The following NCAPG variants were observed in gnomAD, a reference collection of about 807,000 sequenced individuals.
NCAPG encodes the protein condensin complex subunit 3.
In NCAPG, 69 loss-of-function variants were observed where a neutral mutation model predicts 113.1. The ratio of observed to expected loss-of-function variants is 0.61; its 90% CI spans 0.50 to 0.75. The LOEUF (loss-of-function observed/expected upper bound fraction) is 0.75. NCAPG is among the 30% of genes least tolerant of loss of function. The probability of loss-of-function intolerance (pLI) is 0.00; values close to 1 mark genes in which losing one functional copy is unlikely to be tolerated. For synonymous variants in NCAPG, 370 were observed against 415.8 expected (o/e 0.89, Z 1.34); for missense variants, 1,058 against 1,177.0 (o/e 0.90, Z 1.48).
chr4:17,812,571 A>G (rs544721187), intron 2 of NCAPG, 147 bp downstream of exon 2: 8 of 665,990 alleles, frequency 1.2e-5, no homozygotes, highest in East Asian at 2.7e-5. Context: ...AAATATTAGA[A>G]TTATCATTAT....
rs768309165 is a variant in NCAPG at position 17,817,315 on chromosome 4, C to T, written c.830C>T (p.Ser277Phe). ...KHLLQGWLRF[S>F]EGNILELLHR... ...CTTCTTCAAGGCTGGTTACGGTTCT[C>T]TGAAGGAAATATCTTAGAGTTGCTC... Residue 277 changes from serine (S) to phenylalanine (F), a missense_variant, in exon 6 of 21, where the codon TCT (serine) becomes TTT (phenylalanine). Physicochemically the swap from Ser to Phe is radical, Grantham distance 155. Coordinates refer to ENST00000251496, the MANE Select transcript of NCAPG (RefSeq NM_022346.5). 6 of 1,613,964 alleles carry T rather than the reference C, an allele frequency of 3.7e-6. No individual in the cohort carries two copies. In the South Asian group the frequency reaches 6.6e-5, roughly 18 times the overall value.
At position 17,840,093 on chromosome 4, in the gene NCAPG, T is replaced by C; in HGVS notation, c.2651T>C (p.Leu884Pro). ...TAGCAAGTAAAAGATAGGACATGTC[T>C]GAGAGCTTTGGAGAAAATCAAGATT... ...ILEQVKDRTC[L>P]RALEKIKIQL... Residue 884 changes from leucine (L) to proline (P), a missense_variant, in exon 18 of 21, where the codon CTG (leucine) becomes CCG (proline). Leu to Pro is a moderately conservative substitution (Grantham distance 98). Transcript: ENST00000251496. The C allele has an allele frequency of 6.2e-7, 1 of 1,609,598 alleles. No homozygotes were observed. The highest frequency in any genetic ancestry group is 8.5e-7 in the Non-Finnish European group (1 of 1,178,340).
Position 17,837,223 on chromosome 4 carries a change from T to C in NCAPG, c.2174T>C (p.Val725Ala), listed in dbSNP as rs768298239. ...AAGCTGATGTTCTCTGGGCTTTTGG[T>C]CAGCAGCAGGATTCTTTCTCGTCTT... ...LAKLMFSGLL[V>A]SSRILSRLIL... The change falls in exon 15 of 21, where the codon GTC (valine) becomes GCC (alanine). Residue 725 changes from valine (V) to alanine (A), a missense_variant. Transcript: ENST00000251496. The C allele has an allele frequency of 2.5e-6, 4 of 1,614,058 alleles. No homozygotes were observed. Among genetic ancestry groups the C allele is most frequent in the Non-Finnish European group, 8.5e-7 (1 of 1,179,944 alleles).
In NCAPG at chr4:17,840,224, A is replaced by G; in HGVS notation, c.2767+15A>G. On this transcript the variant is annotated intron_variant, in intron 18 of 20. Coordinates refer to ENST00000251496, the MANE Select transcript of NCAPG (RefSeq NM_022346.5). Reference sequence around the variant, plus strand: ...AAATGAAGATGGTAATCACATACTGAACAGAATATTTATAAGGTTCTGTTT... The same window carrying G: ...AAATGAAGATGGTAATCACATACTGGACAGAATATTTATAAGGTTCTGTTT... The G allele has an allele frequency of 6.4e-7, 1 of 1,559,070 alleles. No individual in the cohort carries two copies. Among genetic ancestry groups the G allele is most frequent in the Non-Finnish European group, 8.6e-7 (1 of 1,159,162 alleles).
At chr4:17,820,247 C>G (rs1721398742) in intron 7 of NCAPG, among the ~76,000 whole-genome samples, 1 of 152,146 alleles carries the variant, frequency 6.6e-6, no homozygotes, top group Non-Finnish European at 1.5e-5. Context: ...TCCTTTGTCA[C>G]TCTCTTAGTT....
intron 12 of NCAPG, among the ~76,000 whole-genome samples, chr4:17,829,384 G>A (rs912766227): frequency 7.9e-5 from 12 of 152,190 alleles, no homozygotes; most frequent in Admixed American, 7.9e-4. Context: ...ATAGTTTAGA[G>A]CTTCTGGAGA....
intron 9 of NCAPG, 94 bp from the exon 10 acceptor site, chr4:17,824,874 A>G: frequency 2.6e-6 from 2 of 778,616 alleles, no homozygotes; most frequent in South Asian, 3.7e-5. Context: ...ATTATTCAAT[A>G]TATGGTGGAT....
chr4:17,828,345 C>T lies in NCAPG; in HGVS notation c.1721C>T (p.Ser574Leu), dbSNP rs758713662. The change falls in exon 12 of 21, where the codon TCA (serine) becomes TTA (leucine). Residue 574 changes from serine (S) to leucine (L), a missense_variant. Coordinates refer to ENST00000251496, the MANE Select transcript of NCAPG (RefSeq NM_022346.5). ...CYELLKQMSI[S>L]TGLSATMNGI... ...GAACTGTTGAAGCAGATGTCCATTT[C>T]AACAGGCTTAAGTGCAACCATGAAT... The T allele has an allele frequency of 1.1e-4, 169 of 1,607,982 alleles. No individual in the cohort carries two copies. Among genetic ancestry groups the T allele is most frequent in the Non-Finnish European group, 1.4e-4 (162 of 1,176,848 alleles).
chr4:17,837,667 C>G lies in NCAPG; in HGVS notation c.2332C>G (p.Leu778Val), dbSNP rs371428105. 6.2e-7 allele frequency: 1 copy of G among 1,613,830 alleles called. No individual in the cohort carries two copies. The highest frequency in any genetic ancestry group is 1.3e-5 in the African/African-American group (1 of 74,904). Residue 778 changes from leucine (L) to valine (V), a missense_variant, in exon 16 of 21, where the codon CTG (leucine) becomes GTG (valine). Physicochemically the swap from Leu to Val is conservative, Grantham distance 32 (BLOSUM62 1). Transcript: ENST00000251496. ...CTTTGAAGAAGCTTTTCTTCCAACC[C>G]TGCAAACACTGGCCAATGCCCCTGC... ...ECFEEAFLPT[L>V]QTLANAPASS...
chr4:17,828,720 G>A (rs1053262634), intron 12 of NCAPG, among the ~76,000 whole-genome samples: 1 of 152,010 alleles, frequency 6.6e-6, no homozygotes, highest in South Asian at 2.1e-4. Context: ...ATTGTGCTAC[G>A]TAATGAGACT....
intron 13 of NCAPG, among the ~76,000 whole-genome samples, chr4:17,833,449 A>G (rs1458772625): frequency 6.9e-6 from 1 of 145,836 alleles, no homozygotes; most frequent in Non-Finnish European, 1.5e-5. Context: ...ACAGAGTGAC[A>G]CTCCATCTCA....
intron 18 of NCAPG, 88 bp from the exon 19 acceptor site, chr4:17,840,519 A>G: frequency 1.3e-6 from 1 of 781,816 alleles, no homozygotes; most frequent in Non-Finnish European, 1.8e-6. Context: ...TTGTCATTTC[A>G]GTTTTATAAA....
intron 14 of NCAPG, among the ~76,000 whole-genome samples, chr4:17,836,955 G>T (rs887993963): frequency 1.3e-5 from 2 of 152,062 alleles, no homozygotes; most frequent in South Asian, 2.1e-4. Flanking sequence ...CTAAGCATTT[G>T]TCTAGTCTCC....
chr4:17,823,775 G>C lies in NCAPG; in HGVS notation c.1383+5G>C. Reference sequence around the variant, plus strand: ...GATAATAAGAGAACACAAATTGTAAGTAATTTTCCTCATTGTTGATAAAGA... The same window carrying C: ...GATAATAAGAGAACACAAATTGTAACTAATTTTCCTCATTGTTGATAAAGA... On this transcript the variant is annotated splice_donor_5th_base_variant and intron_variant, in intron 9 of 20. Transcript: ENST00000251496. The C allele has an allele frequency of 6.3e-7, 1 of 1,587,264 alleles. No homozygotes were observed. Among genetic ancestry groups the C allele is most frequent in the East Asian group, 2.2e-5 (1 of 44,452 alleles).
chr4:17,813,352 C>T (rs1911607), intron 3 of NCAPG: 6 of 385,596 alleles, frequency 1.6e-5, no homozygotes, highest in African/African-American at 1.3e-4. Flanking sequence ...ATCCCTGTCC[C>T]TCAGAAGTAA....
At chr4:17,840,521 T>G (rs1722312763) in intron 18 of NCAPG, 86 bp from the exon 19 acceptor site, 1 of 819,280 alleles carries the variant, frequency 1.2e-6, no homozygotes, top group South Asian at 4.4e-5. Flanking sequence ...GTCATTTCAG[T>G]TTTATAAAAA....
At chr4:17,834,216 CAAG>C in intron 13 of NCAPG, 80 bp from the exon 14 acceptor site, 1 of 882,254 alleles carries the variant, frequency 1.1e-6, no homozygotes, top group Non-Finnish European at 1.6e-6. Flanking sequence ...AAGAAAAAAA[CAAG>C]ATACATATTA....
chr4:17,842,354 C>A lies in NCAPG; in HGVS notation c.2899C>A (p.Gln967Lys), dbSNP rs1394481753. 6.2e-7 allele frequency: 1 copy of A among 1,612,142 alleles called. No individual in the cohort carries two copies. Among genetic ancestry groups the A allele is most frequent in the Admixed American group, 1.7e-5 (1 of 59,928 alleles). ...TVSARTNRRCQTAEADSESDH... is the reference protein window; with the variant it reads ...TVSARTNRRCKTAEADSESDH... ...TTCAGCTAGGACGAACAGGAGGTGT[C>A]AGACTGCTGAAGCCGACTCTGAAAG... The change falls in exon 20 of 21, where the codon CAG (glutamine) becomes AAG (lysine). Residue 967 changes from glutamine (Q) to lysine (K), a missense_variant. Coordinates refer to ENST00000251496, the MANE Select transcript of NCAPG (RefSeq NM_022346.5).
chr4:17,830,184 G>A lies in NCAPG; in HGVS notation c.1765-813G>A, dbSNP rs190857279. On this transcript the variant is annotated intron_variant, in intron 12 of 20. Coordinates refer to ENST00000251496, the MANE Select transcript of NCAPG (RefSeq NM_022346.5). ...CCAAGGCGGGATGGCTTGAGCTCAG[G>A]AGTTTGAGACCAGCCTGGGCAACAT... Among the ~76,000 whole-genome samples the A allele has an allele frequency of 2.4e-3, 366 of 152,172 alleles. 1 individual carries two copies. Among genetic ancestry groups the A allele is most frequent in the African/African-American group, 7.9e-3 (327 of 41,512 alleles).
Sources: gnomAD v4.1 joint callset for allele counts (sites outside exome capture counted in the v4.1 genomes callset) on GRCh38, gnomAD v4.1.1 for gene constraint, MANE v1.5 for transcripts, NCBI Gene and HGNC (gene_info 2026-07-23, HGNC 2026-07-21) for gene names.